Variants in GALC observed in about 807,000 individuals in gnomAD.
GALC encodes the protein galactosylceramidase.
GALC carries 77 observed loss-of-function variants against 91.8 expected under a neutral mutation model. The observed-to-expected ratio is 0.84, with a 90% confidence interval of 0.70 to 1.01. The LOEUF is 1.01. GALC is among the 50% of genes least tolerant of loss of function. The pLI is 0.00. For synonymous variants in GALC, 357 were observed against 306.7 expected, an observed-to-expected ratio of 1.16 and a Z score of -1.71; for missense variants, 882 against 855.9, an observed-to-expected ratio of 1.03 and a Z score of -0.38.
chr14:87,974,390 A>AG (rs1455169749), intron 7 of GALC, among the ~76,000 whole-genome samples: 1 of 152,234 alleles, frequency 6.6e-6, no homozygotes, highest in African/African-American at 2.4e-5. Flanking sequence ...ATCATAATGA[A>AG]GATAAAACAT....
chr14:87,969,345 C>T (rs1170478967), intron 7 of GALC, among the ~76,000 whole-genome samples: 1 of 152,108 alleles, frequency 6.6e-6, no homozygotes. Context: ...AGGTGAGAAA[C>T]TGCCCCAGAA....
At chr14:87,964,410 A>G (rs1885942974) in intron 9 of GALC, among the ~76,000 whole-genome samples, 2 of 152,170 alleles carry the variant, frequency 1.3e-5, no homozygotes, top group African/African-American at 4.8e-5. Context: ...TTAGCTTTTT[A>G]GAAAGATTGT....
chr14:87,992,934 G>C, intron 1 of GALC, 36 bp downstream of exon 1: 2 of 1,495,960 alleles, frequency 1.3e-6, no homozygotes, highest in Middle Eastern at 2.4e-4. Context: ...GCGGGCTCTT[G>C]CCGCCCCCCG....
rs540804691 is a variant in GALC, at chr14:87,985,624, A to G, written c.442+865T>C. Among the ~76,000 whole-genome samples the G allele has an allele frequency of 1.4e-4, 21 of 152,376 alleles. 2 individuals are homozygous for G. The highest frequency in any genetic ancestry group is 1.3e-3 in the Admixed American group (20 of 15,306). ...AATTTCTTTTAACTTAGAAAATATT[A>G]CTTTTCATTAACCTGATTGTTGAGA... On this transcript the variant is annotated intron_variant, in intron 4 of 16. Transcript: ENST00000261304.
intron 1 of GALC, chr14:87,989,599 C>T (rs572577780): frequency 6.6e-6 from 1 of 152,440 alleles, no homozygotes; most frequent in South Asian, 2.1e-4. Context: ...CCCATGTACC[C>T]TCAGTCACCA....
Position 87,984,409 on chromosome 14 carries a change from G to A in GALC, c.567C>T (p.Asp189=). 6.2e-7 allele frequency: 1 copy of A among 1,613,692 alleles called. No individual in the cohort carries two copies. The highest frequency in any genetic ancestry group is 2.2e-5 in the East Asian group (1 of 44,868). The stretch of plus-strand genomic sequence containing the variant: ...TATTACTAACTCCAATATAATCAAT[G>A]TCCAAATCATGGTAACGCTTGGCGC... ...IVGAKRYHDL[D]IDYIGIWNER... is the part of the protein sequence containing the mutation. Residue 189 remains aspartate (D), a synonymous_variant, in exon 5 of 17, where the codon GAC becomes GAT. Transcript: ENST00000261304.
intron 12 of GALC, 22 bp downstream of exon 12, chr14:87,949,823 T>C (rs769672066): frequency 6.4e-6 from 8 of 1,250,430 alleles, no homozygotes; most frequent in Non-Finnish European, 9.4e-6. Context: ...ACCCAAAATA[T>C]AAGAATTTAC....
chr14:87,982,924 T>C (rs192784522), intron 5 of GALC, among the ~76,000 whole-genome samples: 5 of 152,250 alleles, frequency 3.3e-5, no homozygotes, highest in African/African-American at 9.6e-5. Context: ...ATCATAGCAT[T>C]TGTTATCATG....
intron 7 of GALC, among the ~76,000 whole-genome samples, chr14:87,974,823 A>G (rs1364049400): frequency 1.3e-5 from 2 of 152,214 alleles, no homozygotes; most frequent in East Asian, 3.9e-4. Context: ...ATGATAAAAC[A>G]GCCCTATGAG....
chr14:87,947,969 A>C, intron 12 of GALC, 91 bp from the exon 13 acceptor site: 1 of 1,156,224 alleles, frequency 8.6e-7, no homozygotes, highest in East Asian at 2.5e-5. Flanking sequence ...GCTTAAAGAA[A>C]AGTCCAAATC....
intron 10 of GALC, chr14:87,953,168 C>T: frequency 6.8e-7 from 1 of 1,469,548 alleles, no homozygotes. Flanking sequence ...AAGTCTGAAG[C>T]AGCAGTTAGG....
chr14:87,970,743 C>T (rs1430608665), intron 7 of GALC, among the ~76,000 whole-genome samples: 1 of 150,568 alleles, frequency 6.6e-6, no homozygotes. Context: ...GAGGTGTGTG[C>T]CTGTAGTCCC....
chr14:87,966,025 T>C (rs1340853902), intron 8 of GALC, among the ~76,000 whole-genome samples: 1 of 152,200 alleles, frequency 6.6e-6, no homozygotes, highest in Non-Finnish European at 1.5e-5. Flanking sequence ...CCCAGTTTTA[T>C]GACATAATTT....
chr14:87,947,241 T>C (rs1885110023), intron 13 of GALC, among the ~76,000 whole-genome samples: 1 of 151,340 alleles, frequency 6.6e-6, no homozygotes. Flanking sequence ...CTAACAACTT[T>C]AGGACAGATC....
intron 15 of GALC, among the ~76,000 whole-genome samples, chr14:87,940,661 A>G (rs383994): frequency 0.49 from 74,745 of 151,690 alleles, 19,094 homozygotes; most frequent in African/African-American, 0.6. Flanking sequence ...TAATATCCTT[A>G]CTACCTACTT....
intron 9 of GALC, 128 bp from the exon 10 acceptor site, chr14:87,963,639 G>T: frequency 2.7e-6 from 2 of 739,944 alleles, no homozygotes; most frequent in Non-Finnish European, 2.2e-6. Context: ...TATTTTGCAG[G>T]AATATATCCG....
In GALC at chr14:87,947,982, TTC is replaced by T. The variant is rs1248478582; in HGVS notation, c.1339-106_1339-105del. 8.9e-6 allele frequency: 9 copies of T among 1,006,566 alleles called. No individual in the cohort carries two copies. The East Asian group carries it at 2.1e-4, about 23-fold the overall frequency. 62.4% of individuals were successfully genotyped at this position (1,006,566 alleles called of 1,614,324 possible). A position where few individuals can be genotyped will look rare whatever the true frequency, so the allele number is the denominator to read the frequency against. ...TAGCTTAAAGAAAAGTCCAAATCAT[TTC>T]TGTTAGAACTTCCTAAACATTTGTG... On this transcript the variant is annotated intron_variant, in intron 12 of 16. Transcript: ENST00000261304.
At chr14:87,992,851 G>A (rs373112733) in intron 1 of GALC, 119 bp downstream of exon 1, 2 of 1,402,506 alleles carry the variant, frequency 1.4e-6, no homozygotes, top group African/African-American at 1.5e-5. Flanking sequence ...CACCCTAGGG[G>A]AATGCGGCGG....
chr14:87,948,315 A>G (rs1885158972), intron 12 of GALC, among the ~76,000 whole-genome samples: 1 of 152,066 alleles, frequency 6.6e-6, no homozygotes, highest in Non-Finnish European at 1.5e-5. Flanking sequence ...TTTACAATTA[A>G]GAGAGAAAAA....
Sources: gnomAD v4.1 joint callset for allele counts (sites outside exome capture counted in the v4.1 genomes callset) on GRCh38, gnomAD v4.1.1 for gene constraint, MANE v1.5 for transcripts, NCBI Gene and HGNC (gene_info 2026-07-23, HGNC 2026-07-21) for gene names.